The following NAALADL2 variants were observed in gnomAD, a reference collection of about 807,000 sequenced individuals.
The protein encoded by NAALADL2 is N-acetylated alpha-linked acidic dipeptidase like 2.
In NAALADL2, 76 loss-of-function variants were observed where a neutral mutation model predicts 87.2. The observed-to-expected ratio is 0.87, with a 90% CI of 0.72 to 1.05. NAALADL2 has a LOEUF of 1.05. Among genes scored for constraint, NAALADL2 ranks in the 50% least tolerant of loss-of-function variants. The pLI is 0.00. For synonymous variants in NAALADL2, 354 were observed against 331.0 expected (o/e 1.07, Z -0.75); for missense variants, 1,089 against 945.8 (o/e 1.15, Z -1.99).
intron 1 of NAALADL2, chr3:174,863,789 C>T (rs938114424): frequency 7.9e-6 from 2 of 253,590 alleles, no homozygotes; most frequent in African/African-American, 4.7e-5. Context: ...GAGGACTAAC[C>T]AGTATGTGAC....
At chr3:174,561,078 T>A (rs966673140) in intron 2 of NAALADL2, among the ~76,000 whole-genome samples, 1 of 152,108 alleles carries the variant, frequency 6.6e-6, no homozygotes, top group African/African-American at 2.4e-5. Flanking sequence ...AGGCTTAACT[T>A]TGAATACAGA....
chr3:175,706,969 T>C (rs559098391), intron 11 of NAALADL2, among the ~76,000 whole-genome samples: 62 of 152,246 alleles, frequency 4.1e-4, no homozygotes, highest in African/African-American at 1.3e-3. Flanking sequence ...TACTTGACTA[T>C]ATGTATATAA....
chr3:174,597,377 G>A (rs1399797), intron 2 of NAALADL2, among the ~76,000 whole-genome samples: 42,249 of 151,946 alleles, frequency 0.28, 7,102 homozygotes, highest in East Asian at 0.75. Context: ...GGTGTTCAAC[G>A]TAAACTATAT....
At chr3:174,608,244 A>G (rs372642232) in intron 2 of NAALADL2, among the ~76,000 whole-genome samples, 3,626 of 152,210 alleles carry the variant, frequency 0.024, 67 homozygotes, top group Middle Eastern at 0.044. Flanking sequence ...CCCTAACATC[A>G]CAATTAAAAG....
rs187333425 is a variant in NAALADL2 at position 174,882,825 on chromosome 3, A to G, written c.43+23375A>G. Among the ~76,000 whole-genome samples the G allele has an allele frequency of 1.7e-3, 249 of 146,406 alleles. 1 individual carries two copies. Among genetic ancestry groups the G allele is most frequent in the Non-Finnish European group, 2.9e-3 (195 of 67,068 alleles). ...TGTGTATATGTGCATATGTGTATAT[A>G]TACACGTGTGTATATGTGCATATGT... On this transcript the variant is annotated intron_variant, in intron 1 of 13. Transcript: ENST00000454872.
intron 5 of NAALADL2, among the ~76,000 whole-genome samples, chr3:175,330,172 A>G (rs1057265519): frequency 2.0e-5 from 3 of 152,218 alleles, no homozygotes; most frequent in Non-Finnish European, 4.4e-5. Flanking sequence ...CTAAAAAAAA[A>G]GATTTACTAA....
At chr3:175,109,487 GT>G (rs1366416585) in intron 2 of NAALADL2, among the ~76,000 whole-genome samples, 2 of 151,510 alleles carry the variant, frequency 1.3e-5, no homozygotes, top group East Asian at 3.9e-4. Context: ...GAACATACTT[GT>G]TTATATAAAC....
intron 2 of NAALADL2, among the ~76,000 whole-genome samples, chr3:175,105,712 T>A (rs1231193739): frequency 6.6e-6 from 1 of 151,284 alleles, no homozygotes; most frequent in East Asian, 1.9e-4. Context: ...AAATTTTATC[T>A]ATGTACTCAT....
chr3:174,520,333 T>C (rs1416419173), intron 1 of NAALADL2, among the ~76,000 whole-genome samples: 1 of 152,024 alleles, frequency 6.6e-6, no homozygotes, highest in African/African-American at 2.4e-5. Context: ...CTATAGTAAC[T>C]AAAAGAGAAT....
At chr3:175,658,917 T>TACACACACACACATGC (rs367987554) in intron 11 of NAALADL2, among the ~76,000 whole-genome samples, 1 of 151,686 alleles carries the variant, frequency 6.6e-6, no homozygotes, top group African/African-American at 2.4e-5. Context: ...AGATACTAGG[T>TACACACACACACATGC]ACACACACAC....
At chr3:175,064,405 T>C (rs906213207) in intron 1 of NAALADL2, among the ~76,000 whole-genome samples, 6 of 152,134 alleles carry the variant, frequency 3.9e-5, no homozygotes, top group African/African-American at 1.4e-4. Context: ...ACAGATCATA[T>C]ACTCAAGCTG....
intron 1 of NAALADL2, among the ~76,000 whole-genome samples, chr3:174,546,873 G>C (rs1221188468): frequency 6.6e-6 from 1 of 152,028 alleles, no homozygotes; most frequent in African/African-American, 2.4e-5. Context: ...GTCTAGGTTG[G>C]TTTACAGGTA....
Position 175,588,534 on chromosome 3 carries a change from C to CTTTTTTTTTTTTTTTTTTTTTTTTTTTTT in NAALADL2, c.1800+12369_1800+12370insTTTTTTTTTTTTTTTTTTTTTTTTTTTTT, listed in dbSNP as rs1168817019. Among the ~76,000 whole-genome samples, 28 of 78,140 alleles carry CTTTTTTTTTTTTTTTTTTTTTTTTTTTTT rather than the reference C, an allele frequency of 3.6e-4. 1 individual carries two copies. The highest frequency in any genetic ancestry group is 5.7e-4 in the Non-Finnish European group (24 of 42,132). The allele number at this position is 78,140 out of a possible 152,430, so 51.3% of individuals were successfully genotyped here. A position where few individuals can be genotyped will look rare whatever the true frequency, so the allele number is the denominator to read the frequency against. On this transcript the variant is annotated intron_variant, in intron 10 of 13. Transcript: ENST00000454872. Reference sequence around the variant, plus strand: ...TTAGGAGACTTTCTTTCTTTCTTTTCTTTTTTTTTTTTTTTTTTTTTTGAG... The same window carrying CTTTTTTTTTTTTTTTTTTTTTTTTTTTTT: ...TTAGGAGACTTTCTTTCTTTCTTTTCTTTTTTTTTTTTTTTTTTTTTTTTTTTTTTTTTTTTTTTTTTTTTTTTTTTGAG...
chr3:175,477,275 A>G, intron 9 of NAALADL2, among the ~76,000 whole-genome samples: 1 of 152,136 alleles, frequency 6.6e-6, no homozygotes, highest in South Asian at 2.1e-4. Context: ...TTTAGAACAG[A>G]TGTTACTACT....
At chr3:175,768,058 C>T (rs943987570) in intron 13 of NAALADL2, among the ~76,000 whole-genome samples, 2 of 152,114 alleles carry the variant, frequency 1.3e-5, no homozygotes, top group Non-Finnish European at 2.9e-5. Context: ...CGGGACCTGA[C>T]TTGTGCCATA....
intron 2 of NAALADL2, among the ~76,000 whole-genome samples, chr3:174,597,030 A>AGT (rs1553795094): frequency 6.6e-6 from 1 of 152,196 alleles, no homozygotes; most frequent in Non-Finnish European, 1.5e-5. Context: ...GGCATCCAAC[A>AGT]CTATCCCAAG....
At chr3:175,354,131 T>A (rs1231035633) in intron 5 of NAALADL2, among the ~76,000 whole-genome samples, 1 of 152,208 alleles carries the variant, frequency 6.6e-6, no homozygotes, top group Non-Finnish European at 1.5e-5. Flanking sequence ...AAAAGCTTAA[T>A]AAATCATTAT....
At chr3:175,644,869 A>C (rs997744158) in intron 11 of NAALADL2, among the ~76,000 whole-genome samples, 1 of 152,174 alleles carries the variant, frequency 6.6e-6, no homozygotes, top group African/African-American at 2.4e-5. Flanking sequence ...ACTAGCATCA[A>C]ATGAAGTGAT....
intron 13 of NAALADL2, among the ~76,000 whole-genome samples, chr3:175,779,773 C>A (rs1189117906): frequency 6.6e-6 from 1 of 152,076 alleles, no homozygotes; most frequent in African/African-American, 2.4e-5. Flanking sequence ...TTAAGTAATA[C>A]AAGGTTTTCT....
Sources: allele counts gnomAD v4.1 joint callset (sites outside exome capture counted in the v4.1 genomes callset), GRCh38; gene constraint gnomAD v4.1.1; transcripts MANE v1.5; gene names NCBI Gene and HGNC (gene_info 2026-07-23, HGNC 2026-07-21).